HYDIN: variants seen among roughly 807,000 people sequenced by gnomAD.
HYDIN encodes HYDIN axonemal central pair apparatus protein, also known as axonemal central pair apparatus protein HYDIN.
In HYDIN, 132 loss-of-function variants were observed where a neutral mutation model predicts 403.9. The ratio of observed to expected loss-of-function variants is 0.33; its 90% CI spans 0.28 to 0.38. The LOEUF is 0.38. Among genes scored for constraint, HYDIN ranks in the 10% least tolerant of loss-of-function variants. The pLI is 1.00. For synonymous variants in HYDIN, 1,202 were observed against 1,891.7 expected, an observed-to-expected ratio of 0.64 and a Z score of 9.46; for missense variants, 2,827 against 5,009.5, an observed-to-expected ratio of 0.56 and a Z score of 13.15.
At chr16:70,816,351 G>T (rs1267326737) in intron 84 of HYDIN, among the ~76,000 whole-genome samples, 1 of 151,546 alleles carries the variant, frequency 6.6e-6, no homozygotes, top group African/African-American at 2.4e-5. Context: ...AGTTAAAAAA[G>T]AAGTATTAAT....
intron 40 of HYDIN, among the ~76,000 whole-genome samples, chr16:70,953,492 G>A (rs1331558841): frequency 2.6e-5 from 4 of 152,052 alleles, no homozygotes; most frequent in Non-Finnish European, 5.9e-5. Flanking sequence ...AAGGCTCTGG[G>A]GCCCTTTCCT....
intron 20 of HYDIN, 55 bp downstream of exon 20, chr16:71,027,547 C>G: frequency 4.4e-6 from 7 of 1,608,192 alleles, no homozygotes; most frequent in African/African-American, 2.7e-5. Context: ...GAAATAGATA[C>G]AGTAGAGATT....
chr16:71,184,651 T>C (rs1363582936), intron 3 of HYDIN, among the ~76,000 whole-genome samples: 2 of 152,164 alleles, frequency 1.3e-5, no homozygotes, highest in Non-Finnish European at 2.9e-5. Context: ...GAAAGAAGTA[T>C]AACTAGTCAA....
At chr16:71,028,478 C>T (rs867818199) in intron 19 of HYDIN, among the ~76,000 whole-genome samples, 2 of 151,792 alleles carry the variant, frequency 1.3e-5, no homozygotes, top group African/African-American at 2.4e-5. Flanking sequence ...TTACTAAGAA[C>T]GTTCCGACTG....
At chr16:71,220,813 T>C (rs934631157) in intron 1 of HYDIN, among the ~76,000 whole-genome samples, 4 of 152,206 alleles carry the variant, frequency 2.6e-5, no homozygotes, top group Non-Finnish European at 5.9e-5. Flanking sequence ...AAATTAAGAC[T>C]ACAAAGTAAT....
chr16:71,002,766 C>T (rs1405949726), intron 23 of HYDIN, among the ~76,000 whole-genome samples: 1 of 150,690 alleles, frequency 6.6e-6, no homozygotes. Context: ...CAACCTTTGC[C>T]TCCTGGGTTC....
chr16:71,201,919 T>C (rs1777984947), intron 1 of HYDIN, among the ~76,000 whole-genome samples: 1 of 152,272 alleles, frequency 6.6e-6, no homozygotes, highest in African/African-American at 2.4e-5. Context: ...TAATGTATCA[T>C]TGCATGAATA....
chr16:71,174,783 G>T lies in HYDIN; in HGVS notation c.516+824C>A, dbSNP rs79531545. Among the ~76,000 whole-genome samples the T allele has an allele frequency of 0.016, 2,464 of 152,230 alleles. 138 individuals carry two copies. In the East Asian group the frequency reaches 0.16, roughly 10 times the overall value. On this transcript the variant is annotated intron_variant, in intron 5 of 85. Coordinates refer to ENST00000393567, the MANE Select transcript of HYDIN (RefSeq NM_001270974.2). ...AGAGAAAATGGCCTCCTTTTTGACT[G>T]CAGGCTCTTCTTAGACTGCCTGTGA... is the stretch of plus-strand genomic sequence containing the variant.
At chr16:70,967,312 TTA>T (rs1220386567) in intron 36 of HYDIN, among the ~76,000 whole-genome samples, 7 of 151,958 alleles carry the variant, frequency 4.6e-5, no homozygotes, top group African/African-American at 1.4e-4. Context: ...ATTAATTTAC[TTA>T]TTTTATTTTA....
chr16:71,205,239 T>C (rs377380212), intron 1 of HYDIN, among the ~76,000 whole-genome samples: 12 of 152,114 alleles, frequency 7.9e-5, no homozygotes, highest in East Asian at 3.9e-4. Context: ...AGAAACCACA[T>C]TGGGATGCAT....
intron 19 of HYDIN, among the ~76,000 whole-genome samples, chr16:71,030,877 G>C (rs1171719433): frequency 6.6e-6 from 1 of 152,018 alleles, no homozygotes; most frequent in Non-Finnish European, 1.5e-5. Context: ...TCGGTACTAT[G>C]GGAGTCAAGT....
At chr16:70,838,142 C>T (rs1227275830) in intron 76 of HYDIN, among the ~76,000 whole-genome samples, 2 of 152,050 alleles carry the variant, frequency 1.3e-5, no homozygotes, top group African/African-American at 2.4e-5. Flanking sequence ...AGGCTCATCA[C>T]CCTTTGCCCA....
chr16:70,902,921 G>A (rs989517460), intron 52 of HYDIN, among the ~76,000 whole-genome samples: 9 of 144,418 alleles, frequency 6.2e-5, no homozygotes, highest in South Asian at 2.2e-4. Context: ...ACTATTTACC[G>A]GGGTTCTGCT....
intron 1 of HYDIN, among the ~76,000 whole-genome samples, chr16:71,219,209 T>C (rs201118945): frequency 1.3e-5 from 2 of 151,852 alleles, no homozygotes; most frequent in Non-Finnish European, 2.9e-5. Context: ...TTTAAAGAAA[T>C]AAAAACAGAC....
At chr16:71,215,672 C>T (rs562692268) in intron 1 of HYDIN, among the ~76,000 whole-genome samples, 2 of 151,376 alleles carry the variant, frequency 1.3e-5, no homozygotes, top group African/African-American at 4.8e-5. Flanking sequence ...GTTTGAAACA[C>T]CATATAAAAA....
intron 1 of HYDIN, 82 bp downstream of exon 1, chr16:71,230,480 C>T: frequency 6.3e-6 from 9 of 1,437,156 alleles, no homozygotes; most frequent in Non-Finnish European, 8.3e-6. Context: ...AGGGCGAGGA[C>T]GAGGACGAAA....
chr16:70,980,382 C>T (rs1237713706), intron 29 of HYDIN, among the ~76,000 whole-genome samples: 11 of 151,730 alleles, frequency 7.2e-5, no homozygotes, highest in Non-Finnish European at 8.8e-5. Context: ...CAGTGCACAT[C>T]TGTAGTCCCA....
chr16:71,173,309 T>C (rs1480142690), intron 5 of HYDIN, among the ~76,000 whole-genome samples: 1 of 152,196 alleles, frequency 6.6e-6, no homozygotes, highest in African/African-American at 2.4e-5. Context: ...TTTTTTAAAT[T>C]AGGGGTTTCC....
intron 4 of HYDIN, among the ~76,000 whole-genome samples, chr16:71,178,435 ATAT>A (rs1281194025): frequency 2.4e-5 from 1 of 41,956 alleles, no homozygotes; most frequent in African/African-American, 1.0e-4. Flanking sequence ...AAAAAAAAAA[ATAT>A]ATATATATAT....
Sources: gnomAD v4.1 joint callset for allele counts (sites outside exome capture counted in the v4.1 genomes callset) on GRCh38, gnomAD v4.1.1 for gene constraint, MANE v1.5 for transcripts, NCBI Gene and HGNC (gene_info 2026-07-23, HGNC 2026-07-21) for gene names.